The following WDR49 variants were observed in gnomAD, a reference collection of about 807,000 sequenced individuals.
The protein encoded by WDR49 is cilia- and flagella-associated protein 337.
A neutral mutation model predicts 119.5 loss-of-function variants in WDR49; 107 were observed. The ratio of observed to expected loss-of-function variants is 0.90; its 90% confidence interval spans 0.77 to 1.05. The LOEUF is 1.05. WDR49 is among the 50% of genes least tolerant of loss of function. The pLI, the probability that WDR49 is intolerant of heterozygous loss-of-function variation, is 0.00. For synonymous variants in WDR49, 425 were observed against 418.8 expected (o/e 1.01, Z -0.18); for missense variants, 1,240 against 1,220.5 (o/e 1.02, Z -0.24).
intron 18 of WDR49, among the ~76,000 whole-genome samples, chr3:167,496,830 C>T (rs1426490734): frequency 6.6e-6 from 1 of 152,246 alleles, no homozygotes; most frequent in Admixed American, 6.5e-5. Context: ...CAATCTGCTT[C>T]AGTCCTCCAG....
At chr3:167,564,846 A>G (rs1458483482) in intron 8 of WDR49, among the ~76,000 whole-genome samples, 2 of 152,178 alleles carry the variant, frequency 1.3e-5, no homozygotes, top group Admixed American at 6.5e-5. Flanking sequence ...TCTTATTGCT[A>G]TTCCAATAAC....
chr3:167,534,098 G>A (rs1752939773), intron 11 of WDR49, among the ~76,000 whole-genome samples: 1 of 151,994 alleles, frequency 6.6e-6, no homozygotes, highest in Admixed American at 6.6e-5. Context: ...GGGAGGCTGA[G>A]GCAGCAGAAT....
intron 7 of WDR49, among the ~76,000 whole-genome samples, chr3:167,601,419 C>G (rs1384866403): frequency 6.6e-6 from 1 of 152,170 alleles, no homozygotes; most frequent in Non-Finnish European, 1.5e-5. Flanking sequence ...ATGCACCCTC[C>G]TCTTCATAAC....
chr3:167,629,335 A>C (rs1717263924), intron 2 of WDR49, among the ~76,000 whole-genome samples: 1 of 152,082 alleles, frequency 6.6e-6, no homozygotes, highest in African/African-American at 2.4e-5. Context: ...TGGTTTACTG[A>C]ATATACAGTG....
chr3:167,479,018 C>A, intron 18 of WDR49, 22 bp from the exon 19 acceptor site: 1 of 1,513,290 alleles, frequency 6.6e-7, no homozygotes, highest in Non-Finnish European at 9.1e-7. Context: ...TGAGGAAAAT[C>A]ACAAGTGAAT....
intron 7 of WDR49, among the ~76,000 whole-genome samples, chr3:167,597,703 G>A (rs929791016): frequency 6.6e-6 from 1 of 152,202 alleles, no homozygotes; most frequent in African/African-American, 2.4e-5. Flanking sequence ...CTGTATGTGA[G>A]ACATGGAGTA....
chr3:167,620,499 C>A lies in WDR49; in HGVS notation c.888G>T (p.Leu296=). 2 of 1,536,068 alleles carry A rather than the reference C, an allele frequency of 1.3e-6. No homozygotes were observed. Among genetic ancestry groups the A allele is most frequent in the Non-Finnish European group, 1.7e-6 (2 of 1,146,738 alleles). ...EATMTINWAE[L]LSGCHKCCHI... The stretch of plus-strand genomic sequence containing the variant: ...GGCAACATTTGTGACATCCAGAGAG[C>A]AGCTCTGCCCAGTTAATGGTCATAG... Residue 296 remains leucine, a synonymous_variant, in exon 5 of 19, where the codon CTG becomes CTT. Transcript: ENST00000682715.
intron 3 of WDR49, among the ~76,000 whole-genome samples, chr3:167,622,313 G>A (rs1366422611): frequency 6.6e-6 from 1 of 152,062 alleles, no homozygotes; most frequent in African/African-American, 2.4e-5. Context: ...AACGCAGGAG[G>A]ATTACTTGAG....
chr3:167,596,687 A>C (rs1715465943), intron 7 of WDR49, among the ~76,000 whole-genome samples: 1 of 123,960 alleles, frequency 8.1e-6, no homozygotes, highest in Non-Finnish European at 1.6e-5. Flanking sequence ...ACATGGACAC[A>C]GGAAGGGGAA....
intron 18 of WDR49, among the ~76,000 whole-genome samples, chr3:167,481,804 G>T (rs952617507): frequency 7.0e-6 from 1 of 142,716 alleles, no homozygotes; most frequent in African/African-American, 3.1e-5. Context: ...TCACTATCAC[G>T]AGAATAGCAC....
rs1235500686 is a variant in WDR49, at chr3:167,529,229, G to T, written c.2229C>A (p.Asn743Lys). ...AACCAGATCCTCCACATGATACCAGGTTAGCTCCTCCTAACATGTAAGGGA... is the reference window on the plus strand; with the variant it reads ...AACCAGATCCTCCACATGATACCAGTTTAGCTCCTCCTAACATGTAAGGGA... ...RKNTAVTGGANLVSCGGSGYV... is the reference protein window; with the variant it reads ...RKNTAVTGGAKLVSCGGSGYV... The change falls in exon 14 of 19, where the codon AAC becomes AAA. Residue 743 changes from asparagine (N) to lysine (K), a missense_variant. Coordinates refer to ENST00000682715, the MANE Select transcript of WDR49 (RefSeq NM_001366157.1). 6.3e-7 allele frequency: 1 copy of T among 1,585,148 alleles called. No homozygotes were observed. Among genetic ancestry groups the T allele is most frequent in the Admixed American group, 1.9e-5 (1 of 51,922 alleles).
At chr3:167,585,888 T>C (rs1714789791) in intron 7 of WDR49, among the ~76,000 whole-genome samples, 1 of 152,162 alleles carries the variant, frequency 6.6e-6, no homozygotes, top group Non-Finnish European at 1.5e-5. Context: ...GAATATTTAC[T>C]TTTTGCACTA....
At position 167,627,234 on chromosome 3, in the gene WDR49, GTCA is replaced by G; in HGVS notation, c.221_223del (p.Met74del). ...CTTCGTGCCCCAACCAACAATCTCT[GTCA>G]TCTTCTGCGTGAAGTCTTCTCTGGA... On this transcript the variant is annotated inframe_deletion, in exon 3 of 19. Transcript: ENST00000682715. 1 of 1,250,880 alleles carries G rather than the reference GTCA, an allele frequency of 8.0e-7. No homozygotes were observed. The highest frequency in any genetic ancestry group is 1.0e-6 in the Non-Finnish European group (1 of 997,648). 77.5% of individuals were successfully genotyped at this position (1,250,880 alleles called of 1,614,324 possible). A position where few individuals can be genotyped will look rare whatever the true frequency, so the allele number is the denominator to read the frequency against.
At chr3:167,527,692 C>G in intron 15 of WDR49, 128 bp downstream of exon 15, 1 of 990,548 alleles carries the variant, frequency 1.0e-6, no homozygotes. Context: ...GCTACTGCTT[C>G]GGAAATGTTG....
rs1194026612 is a variant in WDR49 at position 167,500,144 on chromosome 3, A to T, written c.3031+9T>A. ...GGATAATAGAGGTGTATGATGGCTG[A>T]GAACTTACTTTTAAAAAGTGACGGG... On this transcript the variant is annotated intron_variant, in intron 18 of 18. Coordinates refer to ENST00000682715, the MANE Select transcript of WDR49 (RefSeq NM_001366157.1). 1.9e-6 allele frequency: 3 copies of T among 1,557,274 alleles called. No homozygotes were observed. The highest frequency in any genetic ancestry group is 2.6e-6 in the Non-Finnish European group (3 of 1,161,980).
At chr3:167,625,328 T>G (rs1717084126) in intron 3 of WDR49, among the ~76,000 whole-genome samples, 1 of 151,992 alleles carries the variant, frequency 6.6e-6, no homozygotes, top group Non-Finnish European at 1.5e-5. Context: ...ATTTTTGGTA[T>G]GGGATAACAA....
At chr3:167,585,673 C>G (rs563526215) in intron 7 of WDR49, among the ~76,000 whole-genome samples, 85 of 151,740 alleles carry the variant, frequency 5.6e-4, no homozygotes, top group African/African-American at 1.9e-3. Context: ...ATAAATACTA[C>G]CCTGTATTTG....
At chr3:167,614,194 C>T (rs1716490009) in intron 5 of WDR49, among the ~76,000 whole-genome samples, 1 of 152,024 alleles carries the variant, frequency 6.6e-6, no homozygotes, top group African/African-American at 2.4e-5. Context: ...CCCCACCTCC[C>T]AGGTTCAAGC....
chr3:167,533,248 C>T (rs756037056), intron 11 of WDR49, among the ~76,000 whole-genome samples: 12 of 152,076 alleles, frequency 7.9e-5, no homozygotes, highest in African/African-American at 2.7e-4. Context: ...AGAACAGATG[C>T]TTTGCAAATA....
Sources: gnomAD v4.1 joint callset for allele counts (sites outside exome capture counted in the v4.1 genomes callset) on GRCh38, gnomAD v4.1.1 for gene constraint, MANE v1.5 for transcripts, NCBI Gene and HGNC (gene_info 2026-07-23, HGNC 2026-07-21) for gene names.